PDS5A: variants seen among roughly 807,000 people sequenced by gnomAD.
The protein encoded by PDS5A is sister chromatid cohesion protein PDS5 homolog A.
In PDS5A, 42 loss-of-function variants were observed where a neutral mutation model predicts 167.1. The ratio of observed to expected loss-of-function variants is 0.25; its 90% confidence interval spans 0.20 to 0.33. PDS5A has a LOEUF of 0.33. Ranked by LOEUF, PDS5A falls within the 10% of genes least tolerant of loss-of-function variation. The pLI, the probability that PDS5A is intolerant of heterozygous loss-of-function variation, is 1.00. For synonymous variants in PDS5A, 553 were observed against 554.6 expected, an observed-to-expected ratio of 1.00 and a Z score of 0.04; for missense variants, 1,033 against 1,605.9, an observed-to-expected ratio of 0.64 and a Z score of 6.10.
intron 2 of PDS5A, among the ~76,000 whole-genome samples, chr4:39,971,398 C>T (rs1231413818): frequency 6.6e-6 from 1 of 151,892 alleles, no homozygotes; most frequent in Non-Finnish European, 1.5e-5. Flanking sequence ...CCTCATGATC[C>T]ACCCGCCTCG....
intron 21 of PDS5A, among the ~76,000 whole-genome samples, chr4:39,872,361 A>G (rs1188374514): frequency 6.6e-6 from 1 of 151,884 alleles, no homozygotes; most frequent in African/African-American, 2.4e-5. Flanking sequence ...CATTTCTAAC[A>G]ATGTTTGATA....
intron 2 of PDS5A, among the ~76,000 whole-genome samples, chr4:39,948,712 C>T (rs947192010): frequency 1.3e-5 from 2 of 150,842 alleles, no homozygotes; most frequent in African/African-American, 2.4e-5. Flanking sequence ...GCAACCTCTG[C>T]CTCCTGGCTT....
intron 26 of PDS5A, among the ~76,000 whole-genome samples, chr4:39,859,621 C>T (rs1718817969): frequency 6.6e-6 from 1 of 152,168 alleles, no homozygotes; most frequent in African/African-American, 2.4e-5. Context: ...GATGCCACCA[C>T]TGGTAAGAGA....
At chr4:39,940,622 G>A (rs1406375630) in intron 2 of PDS5A, among the ~76,000 whole-genome samples, 2 of 152,166 alleles carry the variant, frequency 1.3e-5, no homozygotes, top group African/African-American at 4.8e-5. Flanking sequence ...GAGACGAGGA[G>A]GAACAGGAGA....
intron 8 of PDS5A, among the ~76,000 whole-genome samples, chr4:39,916,242 G>T (rs1202966847): frequency 1.3e-5 from 2 of 151,876 alleles, no homozygotes; most frequent in African/African-American, 4.8e-5. Flanking sequence ...GATCACTTGA[G>T]CCCAAGAGTT....
chr4:39,879,769 T>C lies in PDS5A; in HGVS notation c.1951A>G (p.Ser651Gly), dbSNP rs754856223. The C allele has an allele frequency of 6.8e-6, 11 of 1,612,042 alleles. No individual in the cohort carries two copies. The highest frequency in any genetic ancestry group is 8.5e-6 in the Non-Finnish European group (10 of 1,178,334). ...GTADDEEEGVSPDTAIRSGLE... is the reference protein window; with the variant it reads ...GTADDEEEGVGPDTAIRSGLE... ...CCTGAACGGATAGCTGTATCTGGAC[T>C]TACACCCTCCTCTTCATCATCTGCT... The change falls in exon 18 of 33, where the codon AGT (serine) becomes GGT (glycine). Residue 651 changes from serine to glycine, a missense_variant. Physicochemically the swap from Ser to Gly is moderately conservative, Grantham distance 56 (BLOSUM62 0). This residue lies in a region of PDS5A where 367 missense variants were observed against 686.7 expected (regional missense o/e 0.53). Transcript: ENST00000303538.
At chr4:39,842,938 T>TATATATATATATATATA (rs1349599395) in intron 30 of PDS5A, among the ~76,000 whole-genome samples, 170 of 132,844 alleles carry the variant, frequency 1.3e-3, no homozygotes, top group Middle Eastern at 4.0e-3. Flanking sequence ...TATATATATA[T>TATATATATATATATATA]TTTAAGAGAC....
In PDS5A at chr4:39,908,653, G is replaced by A; in HGVS notation, c.1088-113C>T. The A allele has an allele frequency of 9.2e-6, 6 of 652,094 alleles. No homozygotes were observed. The South Asian group carries it at 1.1e-4, about 12-fold the overall frequency. The allele number at this position is 652,094 out of a possible 1,614,324, so 40.4% of individuals were successfully genotyped here. A position where few individuals can be genotyped will look rare whatever the true frequency, so the allele number is the denominator to read the frequency against. On this transcript the variant is annotated intron_variant, in intron 10 of 32. Coordinates refer to ENST00000303538, the MANE Select transcript of PDS5A (RefSeq NM_001100399.2). ...TTTTGTCCATACTAAAGCAATGTTTGTAAAATATGGCATGAAATTAAATCA... is the reference window on the plus strand; with the variant it reads ...TTTTGTCCATACTAAAGCAATGTTTATAAAATATGGCATGAAATTAAATCA...
intron 17 of PDS5A, among the ~76,000 whole-genome samples, chr4:39,886,047 T>C (rs1387624739): frequency 3.9e-5 from 6 of 152,202 alleles, no homozygotes; most frequent in Non-Finnish European, 8.8e-5. Context: ...TGCTAATCAG[T>C]TTTCCTACCA....
At chr4:39,910,478 G>T in intron 9 of PDS5A, 140 bp from the exon 10 acceptor site, 1 of 571,848 alleles carries the variant, frequency 1.7e-6, no homozygotes, top group Non-Finnish European at 3.1e-6. Context: ...TATTCTGAAG[G>T]AAGAATATAA....
chr4:39,843,804 T>C (rs1186634367), intron 30 of PDS5A, among the ~76,000 whole-genome samples: 1 of 152,138 alleles, frequency 6.6e-6, no homozygotes, highest in African/African-American at 2.4e-5. Context: ...ATGCTATATA[T>C]TAATAGTTTC....
chr4:39,954,361 T>TA (rs551289569), intron 2 of PDS5A, among the ~76,000 whole-genome samples: 5 of 151,538 alleles, frequency 3.3e-5, no homozygotes, highest in Middle Eastern at 6.8e-3. Flanking sequence ...CCCTGTCTCT[T>TA]AAAAAAACAA....
chr4:39,930,616 A>G (rs1725972486), intron 2 of PDS5A, among the ~76,000 whole-genome samples: 1 of 152,174 alleles, frequency 6.6e-6, no homozygotes, highest in Non-Finnish European at 1.5e-5. Flanking sequence ...CTTTGTAATT[A>G]TATGAAAGAA....
At chr4:39,903,911 G>T in intron 12 of PDS5A, 129 bp downstream of exon 12, 1 of 500,370 alleles carries the variant, frequency 2.0e-6, no homozygotes, top group Non-Finnish European at 3.4e-6. Context: ...GATTAATCAA[G>T]TTGAATAAAC....
At chr4:39,875,990 T>C (rs1168557413) in intron 19 of PDS5A, among the ~76,000 whole-genome samples, 1 of 152,096 alleles carries the variant, frequency 6.6e-6, no homozygotes, top group South Asian at 2.1e-4. Context: ...ATTGTGCTTT[T>C]CTGCTTTCCA....
At chr4:39,943,631 A>G (rs1727442561) in intron 2 of PDS5A, among the ~76,000 whole-genome samples, 1 of 151,438 alleles carries the variant, frequency 6.6e-6, no homozygotes, top group Non-Finnish European at 1.5e-5. Flanking sequence ...AAAAAAAAAA[A>G]AAAAAAAAAT....
At chr4:39,951,114 A>C (rs1728310659) in intron 2 of PDS5A, among the ~76,000 whole-genome samples, 2 of 151,980 alleles carry the variant, frequency 1.3e-5, no homozygotes, top group Admixed American at 6.6e-5. Flanking sequence ...GCTGGTCTCA[A>C]ATTCCTGGGA....
chr4:39,857,915 C>T lies in PDS5A; in HGVS notation c.3086+4304G>A, dbSNP rs556264070. On this transcript the variant is annotated intron_variant, in intron 26 of 32. Coordinates refer to ENST00000303538, the MANE Select transcript of PDS5A (RefSeq NM_001100399.2). ...AATTCCTGGGCCCAAGCAATTCTCC[C>T]GCCCCGGCCTCCCAAAGTTGCTGAG... 4.6e-5 allele frequency among the ~76,000 whole-genome samples: 7 copies of T among 152,222 alleles called. No individual in the cohort carries two copies. In the East Asian group the frequency reaches 1.2e-3, roughly 25 times the overall value.
At chr4:39,955,404 C>T (rs1728828835) in intron 2 of PDS5A, among the ~76,000 whole-genome samples, 1 of 151,902 alleles carries the variant, frequency 6.6e-6, no homozygotes, top group African/African-American at 2.4e-5. Context: ...GAGTTCGAGA[C>T]CAGCCTGACC....
Sources: gnomAD v4.1 joint callset for allele counts (sites outside exome capture counted in the v4.1 genomes callset) on GRCh38, gnomAD v4.1.1 for gene constraint, gnomAD v4.1.1 regional missense constraint, MANE v1.5 for transcripts, NCBI Gene and HGNC (gene_info 2026-07-23, HGNC 2026-07-21) for gene names.